The following PLXNA4 variants were observed in gnomAD, a reference collection of about 807,000 sequenced individuals.
PLXNA4 encodes the protein plexin-A4.
PLXNA4 carries 44 observed loss-of-function variants against 191.8 expected under a neutral mutation model. The ratio of observed to expected loss-of-function variants is 0.23; its 90% CI spans 0.18 to 0.29. The LOEUF is 0.29. Ranked by LOEUF, PLXNA4 falls within the 10% of genes least tolerant of loss-of-function variation. The probability of loss-of-function intolerance (pLI) is 1.00; values close to 1 mark genes in which losing one functional copy is unlikely to be tolerated. For missense variants in PLXNA4, 1,800 were observed against 2,488.8 expected (o/e 0.72, Z 5.89); for synonymous variants, 1,082 against 1,009.5 (o/e 1.07, Z -1.36).
chr7:132,585,292 C>T lies in PLXNA4; in HGVS notation c.-87+60636G>A, dbSNP rs181883976. Among the ~76,000 whole-genome samples, 7 of 152,262 alleles carry T rather than the reference C, an allele frequency of 4.6e-5. No individual in the cohort carries two copies. The East Asian group carries it at 1.4e-3, about 29-fold the overall frequency. Reference sequence around the variant, plus strand: ...TGGAAACTAACACTCAGACATGGTACAGGCCAAAAATAGGATGATGCCAGG... The same window carrying T: ...TGGAAACTAACACTCAGACATGGTATAGGCCAAAAATAGGATGATGCCAGG... On this transcript the variant is annotated intron_variant, in intron 2 of 4. Transcript: ENST00000378539.
chr7:132,165,393 A>G (rs776733835), intron 22 of PLXNA4, among the ~76,000 whole-genome samples, 193 bp from the exon 23 acceptor site: 3 of 152,220 alleles, frequency 2.0e-5, no homozygotes, highest in Non-Finnish European at 4.4e-5. Context: ...ATGGTAAGAC[A>G]AGCTTTTCCT....
At chr7:132,227,039 G>T (rs1378886312) in intron 7 of PLXNA4, among the ~76,000 whole-genome samples, 1 of 148,714 alleles carries the variant, frequency 6.7e-6, no homozygotes, top group African/African-American at 2.6e-5. Flanking sequence ...GGCAGAGTTG[G>T]GGAGGCAGTG....
chr7:132,159,694 C>T (rs1795891792), intron 24 of PLXNA4, 62 bp from the exon 25 acceptor site: 8 of 1,593,402 alleles, frequency 5.0e-6, no homozygotes, highest in Non-Finnish European at 6.8e-6. Flanking sequence ...CTCCTAGATC[C>T]CCAGCAGCAC....
intron 8 of PLXNA4, 70 bp from the exon 9 acceptor site, chr7:132,223,711 T>C: frequency 8.3e-7 from 1 of 1,198,052 alleles, no homozygotes; most frequent in Non-Finnish European, 1.2e-6. Context: ...CTTGAGTCTC[T>C]ATGGTCTAGC....
At chr7:132,308,508 C>G (rs1052331427) in intron 3 of PLXNA4, among the ~76,000 whole-genome samples, 5 of 152,194 alleles carry the variant, frequency 3.3e-5, no homozygotes, top group African/African-American at 4.8e-5. Context: ...CTCCTTCTGA[C>G]ACCTGGCAGA....
At chr7:132,440,682 A>G (rs1795665586) in intron 3 of PLXNA4, among the ~76,000 whole-genome samples, 1 of 152,228 alleles carries the variant, frequency 6.6e-6, no homozygotes, top group East Asian at 1.9e-4. Flanking sequence ...AATAAATCAA[A>G]TATTTTACCA....
intron 3 of PLXNA4, among the ~76,000 whole-genome samples, chr7:132,381,185 C>T (rs753121833): frequency 6.6e-6 from 1 of 152,232 alleles, no homozygotes; most frequent in Non-Finnish European, 1.5e-5. Context: ...TGGTTGTATC[C>T]TTGTTATAGA....
At chr7:132,237,795 T>C (rs932635958) in intron 5 of PLXNA4, among the ~76,000 whole-genome samples, 1 of 152,214 alleles carries the variant, frequency 6.6e-6, no homozygotes, top group African/African-American at 2.4e-5. Context: ...GTTTCTGACA[T>C]ACGGAGTTAT....
chr7:132,262,847 A>T (rs1208153946), intron 4 of PLXNA4, among the ~76,000 whole-genome samples: 1 of 152,026 alleles, frequency 6.6e-6, no homozygotes, highest in African/African-American at 2.4e-5. Context: ...CCTAGAGACC[A>T]CTTGTCGTTC....
At chr7:132,552,845 T>C (rs1349803813) in intron 1 of PLXNA4, among the ~76,000 whole-genome samples, 1 of 152,046 alleles carries the variant, frequency 6.6e-6, no homozygotes, top group African/African-American at 2.4e-5. Context: ...AGCTCAGTGA[T>C]GCTAGTTGAA....
rs968502587 is a variant in PLXNA4, at chr7:132,376,239, C to T, written c.1372-78017G>A. ...GGCCGAGGGACTGTACCAACTTTGCCGAAAGTCCTTGGAGTTCACATGCTA... is the reference window on the plus strand; with the variant it reads ...GGCCGAGGGACTGTACCAACTTTGCTGAAAGTCCTTGGAGTTCACATGCTA... On this transcript the variant is annotated intron_variant, in intron 3 of 31. Coordinates refer to ENST00000321063, the MANE Select transcript of PLXNA4 (RefSeq NM_020911.2). Among the ~76,000 whole-genome samples the T allele has an allele frequency of 8.5e-5, 13 of 152,132 alleles. No individual in the cohort carries two copies. In the South Asian group the frequency reaches 2.1e-3, roughly 24 times the overall value.
chr7:132,278,985 C>T (rs1217471123), intron 4 of PLXNA4, among the ~76,000 whole-genome samples: 2 of 152,212 alleles, frequency 1.3e-5, no homozygotes, highest in Admixed American at 1.3e-4. Flanking sequence ...GGCTCTGTAC[C>T]ACATTGTGTC....
At chr7:132,249,475 C>G (rs1799171202) in intron 4 of PLXNA4, among the ~76,000 whole-genome samples, 1 of 152,328 alleles carries the variant, frequency 6.6e-6, no homozygotes, top group Admixed American at 6.5e-5. Flanking sequence ...GGGCAAGGAG[C>G]TCTCAGCGTG....
chr7:132,228,241 G>A, intron 6 of PLXNA4, 105 bp downstream of exon 6: 2 of 1,487,464 alleles, frequency 1.3e-6, no homozygotes, highest in Non-Finnish European at 1.8e-6. Context: ...CTGCTGGCCG[G>A]GCTTGGCCCA....
At chr7:132,507,139 C>T (rs1348227045) in intron 2 of PLXNA4, among the ~76,000 whole-genome samples, 1 of 152,146 alleles carries the variant, frequency 6.6e-6, no homozygotes, top group African/African-American at 2.4e-5. Flanking sequence ...AGGGCATGTA[C>T]GTGTCTTGCA....
intron 3 of PLXNA4, among the ~76,000 whole-genome samples, chr7:132,469,148 GAAAGAAAAAAA>G (rs1796831212): frequency 7.1e-6 from 1 of 141,618 alleles, no homozygotes. Context: ...AAGAAAGAAA[GAAAGAAAAAAA>G]AAAGAAAAAA....
intron 3 of PLXNA4, among the ~76,000 whole-genome samples, chr7:132,451,224 C>T (rs1200850626): frequency 6.6e-6 from 1 of 152,202 alleles, no homozygotes; most frequent in African/African-American, 2.4e-5. Flanking sequence ...CAGAAGTCTT[C>T]CCATCATAAG....
chr7:132,315,857 C>T (rs1397618764), intron 3 of PLXNA4, among the ~76,000 whole-genome samples: 1 of 152,166 alleles, frequency 6.6e-6, no homozygotes, highest in Non-Finnish European at 1.5e-5. Flanking sequence ...CACGTGTGTG[C>T]AGTGTAGGGT....
chr7:132,384,962 T>G, intron 3 of PLXNA4: 10 of 1,348,130 alleles, frequency 7.4e-6, no homozygotes, highest in Non-Finnish European at 9.6e-6. Flanking sequence ...TGTCCAAAAT[T>G]ACCCATGGGA....
Sources: gnomAD v4.1 joint callset for allele counts (sites outside exome capture counted in the v4.1 genomes callset) on GRCh38, gnomAD v4.1.1 for gene constraint, MANE v1.5 for transcripts, NCBI Gene and HGNC (gene_info 2026-07-23, HGNC 2026-07-21) for gene names.